The following WDR27 variants were observed in gnomAD, a reference collection of about 807,000 sequenced individuals.
WDR27 encodes the protein WD repeat domain 27.
In WDR27, 100 loss-of-function variants were observed where a neutral mutation model predicts 114.4. The ratio of observed to expected loss-of-function variants is 0.87; its 90% CI spans 0.74 to 1.03. The LOEUF (loss-of-function observed/expected upper bound fraction) is 1.03, where lower values mean the gene tolerates loss of function less well. WDR27 is among the 50% of genes least tolerant of loss of function. WDR27 has a pLI of 0.00. For synonymous variants in WDR27, 449 were observed against 423.1 expected (o/e 1.06, Z -0.75); for missense variants, 1,129 against 1,092.9 (o/e 1.03, Z -0.47).
intron 25 of WDR27, among the ~76,000 whole-genome samples, chr6:169,543,352 T>C (rs1412397247): frequency 6.6e-6 from 1 of 152,108 alleles, no homozygotes; most frequent in Admixed American, 6.5e-5. Context: ...AATCCCATCA[T>C]AGGACAACAG....
intron 25 of WDR27, among the ~76,000 whole-genome samples, chr6:169,526,700 A>C (rs1795008416): frequency 2.6e-5 from 4 of 152,230 alleles, no homozygotes; most frequent in African/African-American, 9.6e-5. Context: ...AGATACTATA[A>C]GGAAAATGAA....
chr6:169,614,639 G>C (rs1811366222), intron 21 of WDR27, among the ~76,000 whole-genome samples: 1 of 150,024 alleles, frequency 6.7e-6, no homozygotes, highest in African/African-American at 2.5e-5. Context: ...AGTGAGCCAA[G>C]ATCACACCAC....
intron 25 of WDR27, among the ~76,000 whole-genome samples, chr6:169,477,717 A>T (rs989677105): frequency 2.0e-5 from 3 of 152,210 alleles, no homozygotes; most frequent in Non-Finnish European, 4.4e-5. Context: ...TAAAGGCGTG[A>T]TCCACTGTGC....
rs775213572 is a variant in WDR27, at chr6:169,636,520, GTAAT to G, written c.1870-20_1870-17del. 1 of 1,585,090 alleles carries G rather than the reference GTAAT, an allele frequency of 6.3e-7. No homozygotes were observed. Among genetic ancestry groups the G allele is most frequent in the Non-Finnish European group, 8.6e-7 (1 of 1,166,808 alleles). On this transcript the variant is annotated splice_polypyrimidine_tract_variant and intron_variant, in intron 18 of 25. Transcript: ENST00000448612. ...TGTCTTTGCCCTGTAATGCAAATCA[GTAAT>G]TACTGTCAATATAATAAATGTTAAC...
chr6:169,644,853 C>CA (rs1453273421), intron 16 of WDR27, among the ~76,000 whole-genome samples: 4 of 102,636 alleles, frequency 3.9e-5, no homozygotes, highest in Non-Finnish European at 7.3e-5. Flanking sequence ...ACTAAAAATA[C>CA]AAAAAATTAG....
intron 25 of WDR27, among the ~76,000 whole-genome samples, chr6:169,510,598 A>G (rs1792687019): frequency 7.5e-6 from 1 of 133,804 alleles, no homozygotes; most frequent in Admixed American, 8.5e-5. Context: ...ACATGGACAC[A>G]GGAAGGGGAA....
At chr6:169,624,609 C>T (rs1201750801) in intron 21 of WDR27, among the ~76,000 whole-genome samples, 13 of 152,160 alleles carry the variant, frequency 8.5e-5, no homozygotes, top group Admixed American at 5.2e-4. Context: ...AGGTGACCTC[C>T]CAAGTTCTCT....
At chr6:169,520,055 C>G (rs1194623288) in intron 25 of WDR27, among the ~76,000 whole-genome samples, 1 of 152,172 alleles carries the variant, frequency 6.6e-6, no homozygotes, top group Non-Finnish European at 1.5e-5. Flanking sequence ...AGAAAAATAT[C>G]CCTATGAAGA....
chr6:169,690,859 G>A (rs1784317941), intron 1 of WDR27, among the ~76,000 whole-genome samples: 1 of 152,112 alleles, frequency 6.6e-6, no homozygotes, highest in Non-Finnish European at 1.5e-5. Flanking sequence ...GCAGGGGGGA[G>A]CAGAATTTCA....
chr6:169,481,480 C>T (rs949351698), intron 25 of WDR27, among the ~76,000 whole-genome samples: 2 of 152,224 alleles, frequency 1.3e-5, no homozygotes, highest in African/African-American at 4.8e-5. Context: ...AAACCTTGTT[C>T]TTTCACTCTT....
Position 169,467,184 on chromosome 6 carries a change from C to G in WDR27, c.2646-9550G>C, listed in dbSNP as rs145058133. Reference sequence around the variant, plus strand: ...TCCACCCCTGTGGCTTTGCAGGGTACAGCCTCCCACCCAGCTGTTTTCACG... The same window carrying G: ...TCCACCCCTGTGGCTTTGCAGGGTAGAGCCTCCCACCCAGCTGTTTTCACG... On this transcript the variant is annotated intron_variant, in intron 25 of 25. Coordinates refer to ENST00000448612, the MANE Select transcript of WDR27 (RefSeq NM_182552.5). 8.9e-3 allele frequency among the ~76,000 whole-genome samples: 1,358 copies of G among 152,290 alleles called. 12 individuals are homozygous for G. Among genetic ancestry groups the G allele is most frequent in the African/African-American group, 0.031 (1,268 of 41,552 alleles).
At chr6:169,692,386 T>G (rs1466837435) in intron 1 of WDR27, among the ~76,000 whole-genome samples, 2 of 151,912 alleles carry the variant, frequency 1.3e-5, no homozygotes, top group South Asian at 2.1e-4. Context: ...CAGGAGTGGG[T>G]AAAAGGGAAG....
chr6:169,669,524 G>T (rs1286730557), intron 4 of WDR27: 1 of 152,110 alleles, frequency 6.6e-6, no homozygotes, highest in Non-Finnish European at 1.5e-5. Flanking sequence ...AATTCACTTT[G>T]GTTTTCCTTT....
intron 25 of WDR27, among the ~76,000 whole-genome samples, chr6:169,505,710 A>G (rs780049374): frequency 3.3e-5 from 5 of 152,222 alleles, no homozygotes; most frequent in Non-Finnish European, 5.9e-5. Context: ...GAAGTTTAAG[A>G]AGTGCTGGCA....
intron 16 of WDR27, among the ~76,000 whole-genome samples, chr6:169,646,182 T>C (rs887200431): frequency 6.6e-6 from 1 of 152,204 alleles, no homozygotes; most frequent in African/African-American, 2.4e-5. Flanking sequence ...TCACATCCTC[T>C]ACCCAACACC....
Position 169,673,652 on chromosome 6 carries a change from G to A in WDR27, c.190-1256C>T, listed in dbSNP as rs189888045. 3.9e-5 allele frequency among the ~76,000 whole-genome samples: 6 copies of A among 152,134 alleles called. No individual in the cohort carries two copies. In the East Asian group the frequency reaches 7.8e-4, roughly 20 times the overall value. On this transcript the variant is annotated intron_variant, in intron 2 of 25. Coordinates refer to ENST00000448612, the MANE Select transcript of WDR27 (RefSeq NM_182552.5). ...GACAATTCCACTAAAGGCAGCTGAG[G>A]AGCTGAGATTCAAGGGGCTACGGGC...
chr6:169,616,568 T>TA (rs1469852188), intron 21 of WDR27, among the ~76,000 whole-genome samples: 1 of 151,906 alleles, frequency 6.6e-6, no homozygotes, highest in African/African-American at 2.4e-5. Flanking sequence ...TCTCAGTAAT[T>TA]AAAAAAATCA....
Position 169,684,251 on chromosome 6 carries a change from G to A in WDR27, c.189+4566C>T, listed in dbSNP as rs970890021. On this transcript the variant is annotated intron_variant, in intron 2 of 25. Transcript: ENST00000448612. The surrounding 1 kb of genome is among the most constrained non-coding windows in gnomAD (Gnocchi z 4.3). ...ATTGCACACCCTCCTCAAAGCAGGA[G>A]AGGCTCCTGAGACTCCTAACAGATG... Among the ~76,000 whole-genome samples the A allele has an allele frequency of 6.6e-6, 1 of 152,096 alleles. No homozygotes were observed. The highest frequency in any genetic ancestry group is 6.5e-5 in the Admixed American group (1 of 15,276).
chr6:169,498,864 A>G (rs1790735339), intron 25 of WDR27, among the ~76,000 whole-genome samples: 1 of 152,140 alleles, frequency 6.6e-6, no homozygotes, highest in African/African-American at 2.4e-5. Context: ...AACAGGAGGG[A>G]CCTGTGTGAG....
Sources: allele counts gnomAD v4.1 joint callset (sites outside exome capture counted in the v4.1 genomes callset), GRCh38; gene constraint gnomAD v4.1.1; non-coding constraint Gnocchi (gnomAD v3.1); transcripts MANE v1.5; gene names NCBI Gene and HGNC (gene_info 2026-07-23, HGNC 2026-07-21).